The following SEZ6L variants were observed in gnomAD, a reference collection of about 807,000 sequenced individuals.
The protein encoded by SEZ6L is seizure related 6 homolog like.
SEZ6L carries 37 observed loss-of-function variants against 106.2 expected under a neutral mutation model. That is an observed-to-expected ratio of 0.35 (90% confidence interval 0.27 to 0.46). The LOEUF is 0.46. Among genes scored for constraint, SEZ6L ranks in the 20% least tolerant of loss-of-function variants. SEZ6L has a pLI of 1.00. For missense variants in SEZ6L, 1,172 were observed against 1,332.8 expected, an observed-to-expected ratio of 0.88 and a Z score of 1.88; for synonymous variants, 541 against 570.4, an observed-to-expected ratio of 0.95 and a Z score of 0.73.
intron 5 of SEZ6L, 124 bp from the exon 6 acceptor site, chr22:26,305,855 T>G: frequency 9.8e-7 from 1 of 1,024,410 alleles, no homozygotes; most frequent in Non-Finnish European, 1.4e-6. Context: ...GGGGCAGGGG[T>G]GGGGATCAGG....
In SEZ6L at chr22:26,292,408, G is replaced by C; in HGVS notation, c.97G>C (p.Ala33Pro). The change falls in exon 2 of 17, where the codon GCT becomes CCT. Residue 33 changes from alanine to proline, a missense_variant and splice_region_variant. Coordinates refer to ENST00000248933, the MANE Select transcript of SEZ6L (RefSeq NM_021115.5). ...GGTGTCTTTTCTCCTCTTCCAAGAT[G>C]CTCTTCCCGAGGGAGATGCTAGCCC... ...GSPAAALERD[A>P]LPEGDASPLG... is the part of the protein sequence containing the mutation. 1 of 1,609,834 alleles carries C rather than the reference G, an allele frequency of 6.2e-7. No individual in the cohort carries two copies. The highest frequency in any genetic ancestry group is 1.7e-4 in the Middle Eastern group (1 of 6,036).
intron 5 of SEZ6L, among the ~76,000 whole-genome samples, chr22:26,302,799 A>G (rs2081496982): frequency 6.6e-6 from 1 of 152,232 alleles, no homozygotes; most frequent in Non-Finnish European, 1.5e-5. Flanking sequence ...TGGCAAATTG[A>G]AGCCAAACAG....
chr22:26,243,645 G>A (rs1222613134), intron 1 of SEZ6L, among the ~76,000 whole-genome samples: 6 of 152,144 alleles, frequency 3.9e-5, no homozygotes, highest in Admixed American at 1.3e-4. Flanking sequence ...GCCATGGAGC[G>A]ACCTTATTGT....
At chr22:26,314,447 T>C (rs2081941604) in intron 9 of SEZ6L, among the ~76,000 whole-genome samples, 1 of 152,238 alleles carries the variant, frequency 6.6e-6, no homozygotes, top group Non-Finnish European at 1.5e-5. Flanking sequence ...AACACCCATT[T>C]ACTGGACTAC....
intron 1 of SEZ6L, among the ~76,000 whole-genome samples, chr22:26,199,698 T>C (rs954757035): frequency 2.6e-5 from 4 of 152,232 alleles, no homozygotes; most frequent in Admixed American, 6.5e-5. Flanking sequence ...TGCAGCTTTT[T>C]AGCAGTTTGG....
rs565361094 is a variant in SEZ6L, at chr22:26,381,739, A to G, written c.*1444A>G. 3 of 250,290 alleles carry G rather than the reference A, an allele frequency of 1.2e-5. No individual in the cohort carries two copies. The highest frequency in any genetic ancestry group is 6.7e-5 in the African/African-American group (3 of 44,774). 15.5% of individuals were successfully genotyped at this position (250,290 alleles called of 1,614,324 possible). A position where few individuals can be genotyped will look rare whatever the true frequency, so the allele number is the denominator to read the frequency against. ...AAGAGAAGGTGGAGGGTGCGGGTGC[A>G]TGGAAGAAATACTATGTGTGAAGCA... On this transcript the variant is annotated 3_prime_UTR_variant, in exon 17 of 17. Transcript: ENST00000248933.
At chr22:26,369,486 G>T (rs533045663) in intron 13 of SEZ6L, among the ~76,000 whole-genome samples, 2 of 151,238 alleles carry the variant, frequency 1.3e-5, no homozygotes, top group Admixed American at 1.3e-4. Flanking sequence ...GACTACAGGC[G>T]CCCGCCACCA....
chr22:26,319,068 A>G (rs1160068355), intron 9 of SEZ6L, among the ~76,000 whole-genome samples: 1 of 152,142 alleles, frequency 6.6e-6, no homozygotes, highest in Non-Finnish European at 1.5e-5. Context: ...CTGGACCATT[A>G]GCTCTTACAA....
At chr22:26,312,150 G>A (rs2081858709) in intron 8 of SEZ6L, among the ~76,000 whole-genome samples, 188 bp downstream of exon 8, 1 of 152,170 alleles carries the variant, frequency 6.6e-6, no homozygotes, top group South Asian at 2.1e-4. Context: ...TACAAAATGG[G>A]TGAATTTTAG....
intron 1 of SEZ6L, among the ~76,000 whole-genome samples, chr22:26,212,671 C>T (rs1392911192): frequency 6.6e-6 from 1 of 152,208 alleles, no homozygotes; most frequent in Admixed American, 6.5e-5. Context: ...GATTCTCCCA[C>T]CTCGGCCTCC....
At chr22:26,179,320 G>T (rs866816963) in intron 1 of SEZ6L, among the ~76,000 whole-genome samples, 2 of 152,204 alleles carry the variant, frequency 1.3e-5, no homozygotes, top group African/African-American at 4.8e-5. Flanking sequence ...CAGCCCAGGA[G>T]TCCAAGGCTG....
At chr22:26,222,111 G>T (rs2078494641) in intron 1 of SEZ6L, among the ~76,000 whole-genome samples, 1 of 152,108 alleles carries the variant, frequency 6.6e-6, no homozygotes, top group South Asian at 2.1e-4. Context: ...TAGAAATGAC[G>T]ATTTCTGGGA....
At chr22:26,377,205 G>A (rs979339018) in intron 15 of SEZ6L, among the ~76,000 whole-genome samples, 2 of 152,162 alleles carry the variant, frequency 1.3e-5, no homozygotes, top group African/African-American at 4.8e-5. Flanking sequence ...GAGCCCAGGA[G>A]GCAGAGGTTG....
At chr22:26,281,692 A>G (rs2080775909) in intron 1 of SEZ6L, among the ~76,000 whole-genome samples, 2 of 152,098 alleles carry the variant, frequency 1.3e-5, no homozygotes, top group Non-Finnish European at 2.9e-5. Context: ...TTTCTTTAGA[A>G]ATTACCCAGT....
At chr22:26,284,422 C>G (rs946175230) in intron 1 of SEZ6L, among the ~76,000 whole-genome samples, 1 of 152,102 alleles carries the variant, frequency 6.6e-6, no homozygotes, top group Non-Finnish European at 1.5e-5. Context: ...GCCTGGCCAA[C>G]ATGGTACAAC....
chr22:26,278,074 G>A (rs1308486138), intron 1 of SEZ6L, among the ~76,000 whole-genome samples: 3 of 152,160 alleles, frequency 2.0e-5, no homozygotes, highest in Admixed American at 2.0e-4. Flanking sequence ...TGAGAAATGA[G>A]GATGGGGAAA....
At chr22:26,337,882 G>T (rs182040387) in intron 9 of SEZ6L, among the ~76,000 whole-genome samples, 6 of 152,208 alleles carry the variant, frequency 3.9e-5, no homozygotes, top group African/African-American at 1.4e-4. Flanking sequence ...CGAGAGGTAT[G>T]GTGGAAGGTA....
chr22:26,246,746 G>T (rs1489872834), intron 1 of SEZ6L, among the ~76,000 whole-genome samples: 1 of 152,172 alleles, frequency 6.6e-6, no homozygotes, highest in Admixed American at 6.5e-5. Flanking sequence ...AATGTTTATT[G>T]CATAGAATTG....
chr22:26,270,466 GTGTGT>G (rs1569433626), intron 1 of SEZ6L, among the ~76,000 whole-genome samples: 6 of 48,856 alleles, frequency 1.2e-4, no homozygotes, highest in South Asian at 5.1e-3. Context: ...TGTGAGGGGT[GTGTGT>G]GTGTGTGTGT....
Sources: allele counts gnomAD v4.1 joint callset (sites outside exome capture counted in the v4.1 genomes callset), GRCh38; gene constraint gnomAD v4.1.1; transcripts MANE v1.5; gene names NCBI Gene and HGNC (gene_info 2026-07-23, HGNC 2026-07-21).